The following GOLIM4 variants were observed in gnomAD, a reference collection of about 807,000 sequenced individuals.
GOLIM4 encodes the protein golgi integral membrane protein 4.
A neutral mutation model predicts 107.4 loss-of-function variants in GOLIM4; 71 were observed. The ratio of observed to expected loss-of-function variants is 0.66; its 90% CI spans 0.55 to 0.81. The LOEUF is 0.81. GOLIM4 is among the 30% of genes least tolerant of loss of function. The pLI is 0.00. For synonymous variants in GOLIM4, 327 were observed against 294.8 expected (o/e 1.11, Z -1.12); for missense variants, 830 against 826.1 (o/e 1.00, Z -0.06).
At chr3:168,050,591 C>T (rs1359619793) in intron 1 of GOLIM4, among the ~76,000 whole-genome samples, 1 of 152,020 alleles carries the variant, frequency 6.6e-6, no homozygotes, top group Non-Finnish European at 1.5e-5. Context: ...GAAGGAAAAA[C>T]ACTCCCTTCA....
chr3:168,064,930 A>T (rs935398454), intron 1 of GOLIM4, among the ~76,000 whole-genome samples: 5 of 152,018 alleles, frequency 3.3e-5, no homozygotes, highest in African/African-American at 1.2e-4. Flanking sequence ...ATATAACTTA[A>T]ATAGGACTGA....
chr3:168,048,358 A>C lies in GOLIM4; in HGVS notation c.195T>G (p.Tyr65Ter). 1 of 1,491,704 alleles carries C rather than the reference A, an allele frequency of 6.7e-7. No homozygotes were observed. Among genetic ancestry groups the C allele is most frequent in the Middle Eastern group, 1.7e-4 (1 of 5,720 alleles). The allele number at this position is 1,491,704 out of a possible 1,614,324, so 92.4% of individuals were successfully genotyped here. Residue 65 changes from tyrosine (Y) to a stop codon, truncating the protein, a stop_gained, in exon 2 of 16, where the codon TAT becomes TAG. Transcript: ENST00000470487. LOFTEE classifies it high-confidence loss of function. ...ESLSAQLQVV[Y>*]EHRSRLEKSL... is the part of the protein sequence containing the mutation. ...ATTTCTCTAATCTTGATCTGTGTTC[A>C]TATACAACTGGAAAAAAAGTTAACA...
At chr3:168,022,311 G>C (rs1717742058) in intron 14 of GOLIM4, among the ~76,000 whole-genome samples, 1 of 150,416 alleles carries the variant, frequency 6.6e-6, no homozygotes, top group Admixed American at 6.6e-5. Context: ...GCAGCTGCAA[G>C]ACTCTAAGGT....
At position 168,046,989 on chromosome 3, in the gene GOLIM4, A is replaced by G; in HGVS notation, c.273T>C (p.Val91=). Residue 91 remains valine (V), a synonymous_variant, in exon 3 of 16, where the codon GTT becomes GTC. Transcript: ENST00000470487. ...ATGTTTCTTGTGCTTCTAACTTATA[A>G]ACAAGAAAATCTAGAAAATACAAGA... The part of the protein sequence containing the change: ...EHKKAKEDFL[V]YKLEAQETLN... The G allele has an allele frequency of 1.5e-6, 2 of 1,324,414 alleles. 1 individual carries two copies. The highest frequency in any genetic ancestry group is 2.7e-5 in the South Asian group (2 of 75,006). 82.0% of individuals were successfully genotyped at this position (1,324,414 alleles called of 1,614,324 possible).
At chr3:168,053,859 G>C (rs537688375) in intron 1 of GOLIM4, among the ~76,000 whole-genome samples, 1 of 152,240 alleles carries the variant, frequency 6.6e-6, no homozygotes, top group South Asian at 2.1e-4. Context: ...GTCTAAGACA[G>C]AATACTGGAG....
intron 8 of GOLIM4, among the ~76,000 whole-genome samples, chr3:168,035,348 C>T (rs1019740792): frequency 1.1e-4 from 16 of 152,142 alleles, no homozygotes; most frequent in Non-Finnish European, 2.2e-4. Flanking sequence ...TATAAAGACA[C>T]ATTCACTGCA....
intron 1 of GOLIM4, among the ~76,000 whole-genome samples, chr3:168,088,498 G>A (rs1275338828): frequency 1.3e-5 from 2 of 152,106 alleles, no homozygotes; most frequent in African/African-American, 4.8e-5. Flanking sequence ...ATTAAAACAC[G>A]AAGAGGCTGA....
At chr3:168,032,453 T>C in intron 9 of GOLIM4, 67 bp downstream of exon 9, 5 of 1,059,608 alleles carry the variant, frequency 4.7e-6, no homozygotes, top group Non-Finnish European at 7.3e-6. Flanking sequence ...TATATTACCT[T>C]AATATGTAAA....
At chr3:168,021,395 G>A (rs908573628) in intron 14 of GOLIM4, among the ~76,000 whole-genome samples, 1 of 152,166 alleles carries the variant, frequency 6.6e-6, no homozygotes, top group Non-Finnish European at 1.5e-5. Flanking sequence ...GCCAGGCATG[G>A]TGGCTCACAC....
At chr3:168,082,805 AGCAATGGGGCAG>A (rs775759869) in intron 1 of GOLIM4, among the ~76,000 whole-genome samples, 2 of 152,138 alleles carry the variant, frequency 1.3e-5, no homozygotes, top group Non-Finnish European at 2.9e-5. Flanking sequence ...CCATACACAC[AGCAATGGGGCAG>A]GAAGAGAAAC....
chr3:168,057,111 A>AT (rs1422082555), intron 1 of GOLIM4, among the ~76,000 whole-genome samples: 1 of 152,126 alleles, frequency 6.6e-6, no homozygotes. Context: ...ATGACGGTGA[A>AT]TAAGTCTAAC....
chr3:168,025,027 T>G lies in GOLIM4; in HGVS notation c.1692A>C (p.Glu564Asp), dbSNP rs1351326047. ...PNNQGEDEFEEAEQVREENLP... is the reference protein window; with the variant it reads ...PNNQGEDEFEDAEQVREENLP... The stretch of plus-strand genomic sequence containing the variant: ...AATTTTCTTCTCTCACTTGCTCGGC[T>G]TCTTCAAATTCATCCTCACCTTGAT... The change falls in exon 13 of 16, where the codon GAA becomes GAC. Residue 564 changes from glutamate (E) to aspartate (D), a missense_variant. Transcript: ENST00000470487. 6.2e-7 allele frequency: 1 copy of G among 1,613,958 alleles called. No homozygotes were observed. The highest frequency in any genetic ancestry group is 1.7e-5 in the Admixed American group (1 of 60,024).
intron 1 of GOLIM4, among the ~76,000 whole-genome samples, chr3:168,057,867 T>C (rs1019482711): frequency 2.0e-5 from 3 of 152,206 alleles, no homozygotes; most frequent in Admixed American, 2.0e-4. Context: ...GTTCAATGAT[T>C]GAATGCACTT....
chr3:168,019,590 T>C (rs1158203080), intron 14 of GOLIM4, among the ~76,000 whole-genome samples: 1 of 152,182 alleles, frequency 6.6e-6, no homozygotes, highest in East Asian at 1.9e-4. Context: ...GCTATGGATT[T>C]GCAGTACTGT....
chr3:168,012,275 A>C (rs1408405605), intron 14 of GOLIM4, among the ~76,000 whole-genome samples: 2 of 138,856 alleles, frequency 1.4e-5, no homozygotes, highest in Non-Finnish European at 3.0e-5. Context: ...AATCAACTGT[A>C]AGAAAGGGTA....
At chr3:168,038,301 A>G (rs1718775232) in intron 7 of GOLIM4, among the ~76,000 whole-genome samples, 1 of 152,208 alleles carries the variant, frequency 6.6e-6, no homozygotes, top group Non-Finnish European at 1.5e-5. Flanking sequence ...ACAAAACTCA[A>G]TTCTACTCCT....
chr3:168,051,907 A>G (rs973563239), intron 1 of GOLIM4, among the ~76,000 whole-genome samples: 1 of 152,034 alleles, frequency 6.6e-6, no homozygotes, highest in African/African-American at 2.4e-5. Context: ...AAAAGGCTCA[A>G]ACTATAGGCT....
rs907628175 is a variant in GOLIM4 at position 168,009,549 on chromosome 3, T to C, written c.*720A>G. 3 of 151,884 alleles carry C rather than the reference T, an allele frequency of 2.0e-5. No individual in the cohort carries two copies. The highest frequency in any genetic ancestry group is 6.6e-5 in the Admixed American group (1 of 15,240). The allele number at this position is 151,884 out of a possible 1,614,324, so 9.4% of individuals were successfully genotyped here. A position where few individuals can be genotyped will look rare whatever the true frequency, so the allele number is the denominator to read the frequency against. ...AAAGGTGAATATGTTGATGTGTCCATACCTTGTTTGAACACTGCAATACCT... is the reference window on the plus strand; with the variant it reads ...AAAGGTGAATATGTTGATGTGTCCACACCTTGTTTGAACACTGCAATACCT... On this transcript the variant is annotated 3_prime_UTR_variant, in exon 16 of 16. Coordinates refer to ENST00000470487, the MANE Select transcript of GOLIM4 (RefSeq NM_014498.5).
At chr3:168,069,891 T>A (rs1281445862) in intron 1 of GOLIM4, among the ~76,000 whole-genome samples, 3 of 152,192 alleles carry the variant, frequency 2.0e-5, no homozygotes, top group African/African-American at 7.2e-5. Context: ...ATAAAATCAT[T>A]AATATAGTTA....
Sources: gnomAD v4.1 joint callset for allele counts (sites outside exome capture counted in the v4.1 genomes callset) on GRCh38, gnomAD v4.1.1 for gene constraint, MANE v1.5 for transcripts, NCBI Gene and HGNC (gene_info 2026-07-23, HGNC 2026-07-21) for gene names.